PTCHD4: variants seen among roughly 807,000 people sequenced by gnomAD.
PTCHD4 encodes patched domain-containing protein 4.
PTCHD4 carries 33 observed loss-of-function variants against 58.1 expected under a neutral mutation model. The ratio of observed to expected loss-of-function variants is 0.57; its 90% CI spans 0.43 to 0.76. PTCHD4 has a LOEUF of 0.76. Ranked by LOEUF, PTCHD4 falls within the 30% of genes least tolerant of loss-of-function variation. PTCHD4 has a pLI of 0.00. For synonymous variants in PTCHD4, 478 were observed against 409.6 expected, an observed-to-expected ratio of 1.17 and a Z score of -2.02; for missense variants, 1,058 against 1,027.1, an observed-to-expected ratio of 1.03 and a Z score of -0.41.
At chr6:47,913,302 G>A (rs182788597) in intron 4 of PTCHD4, among the ~76,000 whole-genome samples, 2 of 152,108 alleles carry the variant, frequency 1.3e-5, no homozygotes, top group Admixed American at 6.6e-5. Flanking sequence ...TGAGGTTTGC[G>A]AAATATCACT....
At chr6:47,917,921 C>T (rs1212142458) in intron 4 of PTCHD4, among the ~76,000 whole-genome samples, 1 of 152,104 alleles carries the variant, frequency 6.6e-6, no homozygotes, top group Non-Finnish European at 1.5e-5. Flanking sequence ...AATTTCATCT[C>T]CAGGCATAAC....
At chr6:47,906,485 C>G (rs2113859819) in intron 4 of PTCHD4, among the ~76,000 whole-genome samples, 1 of 152,202 alleles carries the variant, frequency 6.6e-6, no homozygotes, top group East Asian at 1.9e-4. Flanking sequence ...GCCATATACT[C>G]TGGTTCTTTT....
chr6:48,098,182 C>A (rs1044927554), intron 1 of PTCHD4, among the ~76,000 whole-genome samples: 1 of 152,096 alleles, frequency 6.6e-6, no homozygotes, highest in Admixed American at 6.5e-5. Flanking sequence ...GGTTTCCCAA[C>A]ACAAAACAAC....
chr6:48,106,289 G>T (rs543298081), intron 1 of PTCHD4, among the ~76,000 whole-genome samples: 2 of 152,124 alleles, frequency 1.3e-5, no homozygotes, highest in Non-Finnish European at 2.9e-5. Context: ...ATGCAAGCCT[G>T]GTTCAACATA....
chr6:47,877,695 A>C lies in PTCHD4; in HGVS notation c.*608T>G, dbSNP rs1287423897. On this transcript the variant is annotated 3_prime_UTR_variant, in exon 5 of 5. Coordinates refer to ENST00000339488, the MANE Select transcript of PTCHD4 (RefSeq NM_001384253.1). ...TAAGGTTGATTTGACTTTCTAGGGA[A>C]AAGCCAGCCTATCTTCAAATGGACA... is the stretch of plus-strand genomic sequence containing the variant. 6.6e-6 allele frequency among the ~76,000 whole-genome samples: 1 copy of C among 152,026 alleles called. No homozygotes were observed. The highest frequency in any genetic ancestry group is 2.4e-5 in the African/African-American group (1 of 41,416).
intron 4 of PTCHD4, among the ~76,000 whole-genome samples, chr6:47,995,104 G>T (rs180819472): frequency 6.6e-6 from 1 of 152,118 alleles, no homozygotes; most frequent in Non-Finnish European, 1.5e-5. Context: ...ACATATATAA[G>T]TAAAATATTT....
At chr6:47,882,741 G>GAGAGAGATATATATATATATATAT (rs143060584) in intron 4 of PTCHD4, among the ~76,000 whole-genome samples, 11 of 102,374 alleles carry the variant, frequency 1.1e-4, no homozygotes, top group African/African-American at 2.9e-4. Context: ...TGATTCCAGT[G>GAGAGAGATATATATATATATATAT]ATATATATAT....
chr6:47,878,609 T>A lies in PTCHD4; in HGVS notation c.2226A>T (p.Thr742=). 6.2e-7 allele frequency: 1 copy of A among 1,613,584 alleles called. No individual in the cohort carries two copies. The highest frequency in any genetic ancestry group is 8.5e-7 in the Non-Finnish European group (1 of 1,179,740). ...CTTGCAAGGAGCTTTTTATACATTG[T>A]GTTCGGGTGTGCTCAGTTGCTAATA... is the stretch of plus-strand genomic sequence containing the variant. ...TFVLATEHTR[T]QCIKSSLQDH... Residue 742 remains threonine, a synonymous_variant, in exon 5 of 5, where the codon ACA becomes ACT. Transcript: ENST00000339488.
At position 47,870,698 on chromosome 6, in the gene PTCHD4, C is replaced by A. The variant is rs1763693390; in HGVS notation, c.*7605G>T. ...GGCTACACAGCAGTCTTCTATTTCA[C>A]AGGAGATATTTTTGGATGGAAATAC... On this transcript the variant is annotated 3_prime_UTR_variant, in exon 5 of 5. Coordinates refer to ENST00000339488, the MANE Select transcript of PTCHD4 (RefSeq NM_001384253.1). Among the ~76,000 whole-genome samples the A allele has an allele frequency of 6.6e-6, 1 of 151,578 alleles. No individual in the cohort carries two copies. Among genetic ancestry groups the A allele is most frequent in the South Asian group, 2.1e-4 (1 of 4,836 alleles).
chr6:47,876,858 T>A lies in PTCHD4; in HGVS notation c.*1445A>T. ...TTTAAACTTTAACTTAATGAAAACA[T>A]TTACCTCAGTACTTTTGTTTGAGAA... On this transcript the variant is annotated 3_prime_UTR_variant, in exon 5 of 5. Transcript: ENST00000339488. Among the ~76,000 whole-genome samples, 1 of 151,948 alleles carries A rather than the reference T, an allele frequency of 6.6e-6. No homozygotes were observed. Among genetic ancestry groups the A allele is most frequent in the Non-Finnish European group, 1.5e-5 (1 of 67,950 alleles).
At chr6:48,103,616 T>C (rs1765656126) in intron 1 of PTCHD4, among the ~76,000 whole-genome samples, 1 of 151,478 alleles carries the variant, frequency 6.6e-6, no homozygotes, top group African/African-American at 2.4e-5. Context: ...CTTTGACGAG[T>C]TGAGAGAGGA....
intron 4 of PTCHD4, among the ~76,000 whole-genome samples, chr6:47,997,101 T>G (rs1393904888): frequency 6.6e-6 from 1 of 152,208 alleles, no homozygotes; most frequent in Non-Finnish European, 1.5e-5. Flanking sequence ...GCCATCAATT[T>G]ACTGCTAAGT....
At chr6:47,980,206 A>C (rs574109652) in intron 4 of PTCHD4, among the ~76,000 whole-genome samples, 1 of 152,212 alleles carries the variant, frequency 6.6e-6, no homozygotes, top group South Asian at 2.1e-4. Context: ...CTAAAACCTG[A>C]AGGAAGAAGA....
At chr6:48,038,660 T>C (rs1763734007) in intron 3 of PTCHD4, among the ~76,000 whole-genome samples, 1 of 67,934 alleles carries the variant, frequency 1.5e-5, no homozygotes, top group South Asian at 4.9e-4. Flanking sequence ...AGTAAGTCTG[T>C]CTCAAAAAAA....
intron 4 of PTCHD4, among the ~76,000 whole-genome samples, chr6:47,993,727 A>G (rs1448170878): frequency 6.6e-6 from 1 of 152,176 alleles, no homozygotes; most frequent in Non-Finnish European, 1.5e-5. Flanking sequence ...GATGGACCTT[A>G]GGGCAGGACT....
intron 1 of PTCHD4, among the ~76,000 whole-genome samples, chr6:48,080,223 T>C (rs974066494): frequency 3.3e-5 from 5 of 152,198 alleles, no homozygotes; most frequent in Non-Finnish European, 7.3e-5. Context: ...AGAATTCTAC[T>C]ATGACCTTGG....
intron 1 of PTCHD4, among the ~76,000 whole-genome samples, chr6:48,090,871 G>A (rs1196973949): frequency 6.6e-6 from 1 of 152,178 alleles, no homozygotes; most frequent in Non-Finnish European, 1.5e-5. Context: ...TCCTTTAAAA[G>A]AGCATGCTCC....
rs139916762 is a variant in PTCHD4 at position 48,008,683 on chromosome 6, G to C, written c.849C>G (p.Thr283=). The C allele has an allele frequency of 1.2e-6, 2 of 1,613,388 alleles. No individual in the cohort carries two copies. The highest frequency in any genetic ancestry group is 2.7e-5 in the African/African-American group (2 of 74,908). The part of the protein sequence containing the change: ...IITAAGIFFI[T]DGKYNSTLLG... ...GCAGGGTGGAGTTGTACTTTCCATC[G>C]GTGATGAAGAAGATCCCTGCTGCTG... is the stretch of plus-strand genomic sequence containing the variant. The change falls in exon 4 of 5, where the codon ACC becomes ACG. Residue 283 remains threonine, a synonymous_variant. Coordinates refer to ENST00000339488, the MANE Select transcript of PTCHD4 (RefSeq NM_001384253.1).
chr6:48,062,821 A>G (rs1419826645), intron 3 of PTCHD4, among the ~76,000 whole-genome samples: 1 of 152,224 alleles, frequency 6.6e-6, no homozygotes, highest in Non-Finnish European at 1.5e-5. Context: ...AATGATAATT[A>G]TCTACTATGT....
Sources: allele counts gnomAD v4.1 joint callset (sites outside exome capture counted in the v4.1 genomes callset), GRCh38; gene constraint gnomAD v4.1.1; transcripts MANE v1.5; gene names NCBI Gene and HGNC (gene_info 2026-07-23, HGNC 2026-07-21).